LMNB2: variants seen among roughly 807,000 people sequenced by gnomAD.
The protein encoded by LMNB2 is lamin B2.
In LMNB2, 17 loss-of-function variants were observed where a neutral mutation model predicts 69.3. The observed-to-expected ratio is 0.25, with a 90% CI of 0.17 to 0.37. The LOEUF (loss-of-function observed/expected upper bound fraction) is 0.37, where lower values mean the gene tolerates loss of function less well. LMNB2 is among the 10% of genes least tolerant of loss of function. The pLI is 1.00. For missense variants in LMNB2, 789 were observed against 883.6 expected (o/e 0.89, Z 1.36); for synonymous variants, 397 against 389.3 (o/e 1.02, Z -0.23).
chr19:2,440,341 C>A (rs568534783), intron 2 of LMNB2, among the ~76,000 whole-genome samples: 1 of 152,014 alleles, frequency 6.6e-6, no homozygotes, highest in East Asian at 1.9e-4. Context: ...CAGGCAAGTG[C>A]CAGCACGCCC....
intron 1 of LMNB2, among the ~76,000 whole-genome samples, chr19:2,451,883 G>A (rs955532542): frequency 2.0e-5 from 3 of 152,012 alleles, no homozygotes; most frequent in Non-Finnish European, 2.9e-5. Context: ...CGCCTGGGCC[G>A]CCTCCGAGAC....
chr19:2,436,336 C>G (rs896750966), intron 4 of LMNB2, among the ~76,000 whole-genome samples: 2 of 151,716 alleles, frequency 1.3e-5, no homozygotes, highest in Non-Finnish European at 2.9e-5. Flanking sequence ...CCCAGCTACT[C>G]GGGAGGCTGG....
At chr19:2,450,312 C>T (rs756565795) in intron 1 of LMNB2, among the ~76,000 whole-genome samples, 2 of 151,940 alleles carry the variant, frequency 1.3e-5, no homozygotes, top group Non-Finnish European at 2.9e-5. Flanking sequence ...GAGACAGTGA[C>T]GTAGTCACTA....
chr19:2,454,163 A>G (rs1441816181), intron 1 of LMNB2, among the ~76,000 whole-genome samples: 1 of 151,914 alleles, frequency 6.6e-6, no homozygotes, highest in Non-Finnish European at 1.5e-5. Flanking sequence ...CATGGTGGTG[A>G]ACACCTGTAA....
intron 1 of LMNB2, among the ~76,000 whole-genome samples, chr19:2,454,600 A>G (rs76310361): frequency 0.068 from 10,345 of 152,168 alleles, 568 homozygotes; most frequent in East Asian, 0.28. Context: ...CCCCCTCAAC[A>G]AGCAGCTCTT....
chr19:2,434,646 G>A, intron 6 of LMNB2, 131 bp from the exon 7 acceptor site: 2 of 1,497,894 alleles, frequency 1.3e-6, no homozygotes, highest in Middle Eastern at 2.2e-4. Flanking sequence ...GGGGCGCACG[G>A]GAGGGGAGGG....
chr19:2,454,224 C>G (rs939293404), intron 1 of LMNB2, among the ~76,000 whole-genome samples: 1 of 145,842 alleles, frequency 6.9e-6, no homozygotes, highest in Non-Finnish European at 1.5e-5. Flanking sequence ...ACCCGGGAGG[C>G]AGAGGGTGCG....
chr19:2,441,176 G>T (rs1296917093), intron 2 of LMNB2, among the ~76,000 whole-genome samples: 1 of 152,202 alleles, frequency 6.6e-6, no homozygotes, highest in Admixed American at 6.5e-5. Context: ...CCTGGTCGGG[G>T]GTCAGACAAC....
intron 2 of LMNB2, among the ~76,000 whole-genome samples, chr19:2,440,594 C>T (rs953805815): frequency 1.3e-5 from 2 of 151,928 alleles, no homozygotes; most frequent in African/African-American, 2.4e-5. Flanking sequence ...ATCCACTCAT[C>T]TGTCCATCTA....
Position 2,450,752 on chromosome 19 carries a change from C to G in LMNB2, c.264+5918G>C, listed in dbSNP as rs577980801. ...TCCCGGGTTCAAGCGATTCTCCTGC[C>G]TCCCAAGTAACTGGGACTATAGCCG... On this transcript the variant is annotated intron_variant, in intron 1 of 11. Transcript: ENST00000325327. 8.0e-4 allele frequency among the ~76,000 whole-genome samples: 122 copies of G among 152,080 alleles called. No homozygotes were observed. In the South Asian group the frequency reaches 0.015, roughly 19 times the overall value.
chr19:2,431,681 G>A (rs1166699303), intron 10 of LMNB2, 23 bp from the exon 11 acceptor site: 1 of 1,614,024 alleles, frequency 6.2e-7, no homozygotes, highest in Non-Finnish European at 8.5e-7. Context: ...GGACACGGCG[G>A]CATGTCCCGG....
chr19:2,431,925 C>T (rs1345266945), intron 9 of LMNB2, 23 bp from the exon 10 acceptor site: 2 of 1,603,378 alleles, frequency 1.2e-6, no homozygotes, highest in African/African-American at 1.3e-5. Flanking sequence ...TAACAATGGC[C>T]CCATCAGGGT....
At chr19:2,451,910 G>A (rs1358543058) in intron 1 of LMNB2, among the ~76,000 whole-genome samples, 2 of 151,632 alleles carry the variant, frequency 1.3e-5, no homozygotes, top group Non-Finnish European at 2.9e-5. Flanking sequence ...CAGCAGCCCT[G>A]AGCAGCCAGG....
At chr19:2,455,695 C>T (rs982958272) in intron 1 of LMNB2, among the ~76,000 whole-genome samples, 3 of 152,140 alleles carry the variant, frequency 2.0e-5, no homozygotes, top group African/African-American at 7.2e-5. Context: ...CTAGAAACCC[C>T]CTGGAGGTCC....
Position 2,430,062 on chromosome 19 carries a change from T to G in LMNB2, c.*849A>C. ...AGCGCTCTCCTCCAGAGGGTCAACA[T>G]GGTGGCGTTCCCTGCAGACAGCTGT... is the stretch of plus-strand genomic sequence containing the variant. On this transcript the variant is annotated 3_prime_UTR_variant, in exon 12 of 12. Coordinates refer to ENST00000325327, the MANE Select transcript of LMNB2 (RefSeq NM_032737.4). 1 of 153,072 alleles carries G rather than the reference T, an allele frequency of 6.5e-6. No homozygotes were observed. The highest frequency in any genetic ancestry group is 2.4e-5 in the African/African-American group (1 of 41,476). 9.5% of individuals were successfully genotyped at this position (153,072 alleles called of 1,614,324 possible). A position where few individuals can be genotyped will look rare whatever the true frequency, so the allele number is the denominator to read the frequency against.
chr19:2,432,338 AGT>A, intron 9 of LMNB2, 76 bp downstream of exon 9: 7 of 981,168 alleles, frequency 7.1e-6, no homozygotes, highest in African/African-American at 1.6e-5. Flanking sequence ...ACCCCCGCCA[AGT>A]CCTGTGCCTC....
At chr19:2,452,148 T>C (rs1192728869) in intron 1 of LMNB2, among the ~76,000 whole-genome samples, 1 of 151,730 alleles carries the variant, frequency 6.6e-6, no homozygotes, top group Non-Finnish European at 1.5e-5. Context: ...CCTCCAACGA[T>C]GCTTGTATAT....
chr19:2,431,527 A>C, intron 11 of LMNB2, 21 bp downstream of exon 11: 1 of 1,613,938 alleles, frequency 6.2e-7, no homozygotes, highest in Non-Finnish European at 8.5e-7. Flanking sequence ...CCCCAGCCGC[A>C]AGTGGGCACA....
chr19:2,444,357 G>T (rs146226157), intron 2 of LMNB2, 47 bp downstream of exon 2: 1 of 1,611,568 alleles, frequency 6.2e-7, no homozygotes, highest in Admixed American at 1.7e-5. Flanking sequence ...CGTCCACCCC[G>T]TGGTGCCAGG....
Sources: gnomAD v4.1 joint callset for allele counts (sites outside exome capture counted in the v4.1 genomes callset) on GRCh38, gnomAD v4.1.1 for gene constraint, MANE v1.5 for transcripts, NCBI Gene and HGNC (gene_info 2026-07-23, HGNC 2026-07-21) for gene names.